Variants in IPO5 observed in about 807,000 individuals in gnomAD.
IPO5 encodes importin 5, also known as importin-5.
IPO5 carries 18 observed loss-of-function variants against 143.3 expected under a neutral mutation model. The observed-to-expected ratio is 0.13, with a 90% CI of 0.09 to 0.19. The LOEUF is 0.19. Among genes scored for constraint, IPO5 ranks in the 10% least tolerant of loss-of-function variants. The pLI is 1.00. For missense variants in IPO5, 1,013 were observed against 1,336.9 expected, an observed-to-expected ratio of 0.76 and a Z score of 3.78; for synonymous variants, 477 against 465.7, an observed-to-expected ratio of 1.02 and a Z score of -0.31.
At chr13:98,016,242 T>C (rs1348036850) in intron 24 of IPO5, among the ~76,000 whole-genome samples, 1 of 152,204 alleles carries the variant, frequency 6.6e-6, no homozygotes, top group Non-Finnish European at 1.5e-5. Context: ...GCATCTCATA[T>C]GTGGCCACTT....
chr13:97,964,882 A>T (rs1311193486), intron 2 of IPO5, among the ~76,000 whole-genome samples: 1 of 152,216 alleles, frequency 6.6e-6, no homozygotes, highest in Admixed American at 6.5e-5. Flanking sequence ...CTGTAAAGAC[A>T]CATGCACACG....
At chr13:97,992,308 C>T (rs2139701369) in intron 9 of IPO5, among the ~76,000 whole-genome samples, 1 of 152,230 alleles carries the variant, frequency 6.6e-6, no homozygotes, top group South Asian at 2.1e-4. Context: ...ACCACAGTGA[C>T]CAGACTTAAC....
At chr13:97,985,663 C>CATT in intron 6 of IPO5, 50 bp downstream of exon 6, 1 of 931,332 alleles carries the variant, frequency 1.1e-6, no homozygotes, top group Non-Finnish European at 1.6e-6. Flanking sequence ...TATATCCTTC[C>CATT]TTTTTTTTTT....
intron 4 of IPO5, among the ~76,000 whole-genome samples, chr13:97,977,765 G>A (rs1291436766): frequency 1.3e-5 from 2 of 152,210 alleles, no homozygotes; most frequent in Non-Finnish European, 2.9e-5. Flanking sequence ...AGGGGAGGGA[G>A]AAACTTTCCA....
At chr13:97,963,456 G>T (rs546480648) in intron 2 of IPO5, among the ~76,000 whole-genome samples, 1 of 148,556 alleles carries the variant, frequency 6.7e-6, no homozygotes, top group African/African-American at 2.5e-5. Context: ...TGCAATCTCC[G>T]CCTCCTGGGT....
At chr13:98,004,427 A>G (rs535434910) in intron 16 of IPO5, among the ~76,000 whole-genome samples, 1 of 152,352 alleles carries the variant, frequency 6.6e-6, no homozygotes, top group African/African-American at 2.4e-5. Flanking sequence ...GGTGGACCCA[A>G]GTTGAAGGCA....
intron 4 of IPO5, 34 bp from the exon 5 acceptor site, chr13:97,982,469 A>AT (rs1306751437): frequency 1.4e-6 from 2 of 1,437,700 alleles, no homozygotes; most frequent in Admixed American, 1.8e-5. Context: ...GTTTCCTAAC[A>AT]TTCTTTCCTA....
intron 2 of IPO5, among the ~76,000 whole-genome samples, chr13:97,954,781 T>C (rs565777254): frequency 6.6e-6 from 1 of 152,284 alleles, no homozygotes; most frequent in African/African-American, 2.4e-5. Context: ...AATGTTTAAT[T>C]TAGACCTTCC....
intron 7 of IPO5, 92 bp from the exon 8 acceptor site, chr13:97,990,034 G>A: frequency 1.3e-6 from 1 of 765,698 alleles, no homozygotes; most frequent in Non-Finnish European, 2.2e-6. Flanking sequence ...ACTGAGTCAG[G>A]TAAACAAACA....
intron 4 of IPO5, among the ~76,000 whole-genome samples, chr13:97,978,923 C>CTTA (rs2139618312): frequency 6.6e-6 from 1 of 152,276 alleles, no homozygotes; most frequent in African/African-American, 2.4e-5. Flanking sequence ...CTGTTATTCT[C>CTTA]TTAGTCTCTT....
rs1026933717 is a variant in IPO5 at position 97,968,039 on chromosome 13, C to T, written c.-112-1684C>T. On this transcript the variant is annotated intron_variant, in intron 2 of 28. Coordinates refer to ENST00000651721, the MANE Select transcript of IPO5 (RefSeq NM_002271.6). ...GTGGTGCGATCATTGCTCACTGTAACTTTGAATTCCTGGGCTCAAAGGATC... is the reference window on the plus strand; with the variant it reads ...GTGGTGCGATCATTGCTCACTGTAATTTTGAATTCCTGGGCTCAAAGGATC... 4.6e-5 allele frequency among the ~76,000 whole-genome samples: 7 copies of T among 152,286 alleles called. 1 individual carries two copies. Among genetic ancestry groups the T allele is most frequent in the Admixed American group, 6.5e-5 (1 of 15,298 alleles).
intron 2 of IPO5, among the ~76,000 whole-genome samples, chr13:97,955,989 G>T (rs1884426092): frequency 6.6e-6 from 1 of 151,894 alleles, no homozygotes; most frequent in Admixed American, 6.6e-5. Context: ...AAAATTAGCC[G>T]GGCGTGGTGG....
chr13:97,999,767 T>C (rs1454404638), intron 12 of IPO5, among the ~76,000 whole-genome samples: 1 of 152,236 alleles, frequency 6.6e-6, no homozygotes, highest in Non-Finnish European at 1.5e-5. Flanking sequence ...CAGTGCAGTT[T>C]GCACCCCTTT....
intron 12 of IPO5, among the ~76,000 whole-genome samples, chr13:97,998,457 A>G (rs1408438279): frequency 1.3e-5 from 2 of 152,238 alleles, no homozygotes; most frequent in Non-Finnish European, 2.9e-5. Flanking sequence ...TGCAATACAC[A>G]TCATATTTTC....
intron 12 of IPO5, 38 bp downstream of exon 12, chr13:97,997,656 C>G (rs1437145199): frequency 7.5e-7 from 1 of 1,327,444 alleles, no homozygotes; most frequent in African/African-American, 1.4e-5. Context: ...AGTGAAAGCC[C>G]TAGGGCTCCA....
intron 22 of IPO5, among the ~76,000 whole-genome samples, chr13:98,014,838 C>CT (rs780865647): frequency 0.027 from 3,352 of 122,012 alleles, 107 homozygotes; most frequent in African/African-American, 0.13. Flanking sequence ...CAATTCTTCT[C>CT]TTTTTTTTTT....
chr13:98,019,792 G>C lies in IPO5; in HGVS notation c.3048G>C (p.Leu1016=), dbSNP rs371499703. ...KEEAVQTFNY[L]CDLIESNHPI... ...AAGCTGTTCAGACTTTCAATTATCTGTGTGACCTGATTGAAAGGTAGGAAA... is the reference window on the plus strand; with the variant it reads ...AAGCTGTTCAGACTTTCAATTATCTCTGTGACCTGATTGAAAGGTAGGAAA... The change falls in exon 27 of 29, where the codon CTG becomes CTC. Residue 1016 remains leucine, a synonymous_variant. Coordinates refer to ENST00000651721, the MANE Select transcript of IPO5 (RefSeq NM_002271.6). The C allele has an allele frequency of 6.2e-7, 1 of 1,609,770 alleles. No individual in the cohort carries two copies. The highest frequency in any genetic ancestry group is 1.3e-5 in the African/African-American group (1 of 74,962).
rs145516433 is a variant in IPO5 at position 97,974,960 on chromosome 13, G to A, written c.-4-1733G>A. Among the ~76,000 whole-genome samples the A allele has an allele frequency of 4.5e-4, 68 of 152,340 alleles. No individual in the cohort carries two copies. The East Asian group carries it at 0.013, about 29-fold the overall frequency. ...AATTGCACGTGGATCCCAGGGCTCA[G>A]CCCAGATTCTAAACACAGTGGCCAA... On this transcript the variant is annotated intron_variant, in intron 3 of 28. Transcript: ENST00000651721.
At position 98,008,109 on chromosome 13, in the gene IPO5, A is replaced by G. The variant is rs1276758557; in HGVS notation, c.1767A>G (p.Thr589=). The change falls in exon 18 of 29, where the codon ACA becomes ACG. Residue 589 remains threonine (T), a synonymous_variant. Coordinates refer to ENST00000651721, the MANE Select transcript of IPO5 (RefSeq NM_002271.6). ...TGCAGCTTTTGTTAAAGACCCAGAC[A>G]GACTTCAATGATATGGAAGATGATG... is the stretch of plus-strand genomic sequence containing the variant. ...DVMQLLLKTQ[T]DFNDMEDDDP... 1 of 1,611,750 alleles carries G rather than the reference A, an allele frequency of 6.2e-7. No homozygotes were observed. Among genetic ancestry groups the G allele is most frequent in the Non-Finnish European group, 8.5e-7 (1 of 1,177,832 alleles).
Sources: gnomAD v4.1 joint callset for allele counts (sites outside exome capture counted in the v4.1 genomes callset) on GRCh38, gnomAD v4.1.1 for gene constraint, MANE v1.5 for transcripts, NCBI Gene and HGNC (gene_info 2026-07-23, HGNC 2026-07-21) for gene names.